Variants in MAPK12 observed in about 807,000 individuals in gnomAD.
The protein encoded by MAPK12 is mitogen-activated protein kinase 12, also known as MAP kinase 12.
In MAPK12, 49 loss-of-function variants were observed where a neutral mutation model predicts 49.1. The observed-to-expected ratio is 1.00, with a 90% CI of 0.79 to 1.27. MAPK12 has a LOEUF of 1.27. Among genes scored for constraint, MAPK12 ranks in the 50% most tolerant of loss-of-function variants. MAPK12 has a pLI of 0.00. For synonymous variants in MAPK12, 251 were observed against 209.7 expected, an observed-to-expected ratio of 1.20 and a Z score of -1.70; for missense variants, 554 against 502.4, an observed-to-expected ratio of 1.10 and a Z score of -0.98.
In MAPK12 at chr22:50,258,211, G is replaced by A. The variant is rs766575164; in HGVS notation, c.314+32C>T. 84 of 1,609,480 alleles carry A rather than the reference G, an allele frequency of 5.2e-5. 1 individual carries two copies. The highest frequency in any genetic ancestry group is 6.9e-5 in the Non-Finnish European group (81 of 1,176,866). On this transcript the variant is annotated intron_variant, in intron 3 of 11. Coordinates refer to ENST00000215659, the MANE Select transcript of MAPK12 (RefSeq NM_002969.6). ...TGCCCAGAGCTGCCCAACACCCCTC[G>A]TGCCCAGCGGCCAGCCCAGGTCGGC...
At chr22:50,260,900 T>C (rs1273237345) in intron 2 of MAPK12, 4 of 339,620 alleles carry the variant, frequency 1.2e-5, no homozygotes, top group Non-Finnish European at 2.2e-5. Context: ...CCAAGTCGTG[T>C]TCCCTGACCA....
rs2065113956 is a variant in MAPK12, at chr22:50,252,990, A to G, written c.*411T>C. The G allele has an allele frequency of 7.0e-6, 2 of 284,776 alleles. No individual in the cohort carries two copies. The highest frequency in any genetic ancestry group is 1.4e-5 in the Non-Finnish European group (2 of 145,154). 17.6% of individuals were successfully genotyped at this position (284,776 alleles called of 1,614,324 possible). A position where few individuals can be genotyped will look rare whatever the true frequency, so the allele number is the denominator to read the frequency against. On this transcript the variant is annotated 3_prime_UTR_variant, in exon 12 of 12. Transcript: ENST00000215659. ...CCAGGCTGGGGGTGCAGGAAGGTCC[A>G]CTGACGTCGCCCAGGAGAGGGGATG... is the stretch of plus-strand genomic sequence containing the variant.
At chr22:50,258,791 T>A (rs2065179193) in intron 2 of MAPK12, among the ~76,000 whole-genome samples, 1 of 152,206 alleles carries the variant, frequency 6.6e-6, no homozygotes, top group Admixed American at 6.5e-5. Context: ...ACAGGTCATG[T>A]GACAACTGCC....
chr22:50,257,154 C>G lies in MAPK12; in HGVS notation c.354G>C (p.Lys118Asn), dbSNP rs761670017. 1.3e-5 allele frequency: 21 copies of G among 1,612,742 alleles called. No homozygotes were observed. Among genetic ancestry groups the G allele is most frequent in the Non-Finnish European group, 1.7e-5 (20 of 1,179,940 alleles). The change falls in exon 4 of 12, where the codon AAG becomes AAC. Residue 118 changes from lysine to asparagine, a missense_variant. Lys to Asn is a moderately conservative substitution (Grantham distance 94, BLOSUM62 0). Coordinates refer to ENST00000215659, the MANE Select transcript of MAPK12 (RefSeq NM_002969.6). ...VMPFMGTDLG[K>N]LMKHEKLGED... ...CGCCTAGCTTCTCATGTTTCATGAG[C>G]TTGCCCAGGTCGGTGCCCATGAACG...
intron 11 of MAPK12, 125 bp from the exon 12 acceptor site, chr22:50,253,605 T>C: frequency 1.5e-6 from 1 of 645,236 alleles, no homozygotes; most frequent in Admixed American, 2.3e-5. Flanking sequence ...TAATGTGGTC[T>C]GAACCACTGA....
In MAPK12 at chr22:50,255,259, G is replaced by T. The variant is rs754315556; in HGVS notation, c.962C>A (p.Pro321His). The T allele has an allele frequency of 1.9e-6, 3 of 1,613,344 alleles. No individual in the cohort carries two copies. In the African/African-American group the frequency reaches 4.0e-5, roughly 22 times the overall value. ...GGAGTCATCATACTTCTGGACCTGG[G>T]GCTCATCTTCCGTGTCGTGCAGGGA... is the stretch of plus-strand genomic sequence containing the variant. Reference protein sequence around the residue: ...FESLHDTEDEPQVQKYDDSFD... With the variant: ...FESLHDTEDEHQVQKYDDSFD... The change falls in exon 11 of 12, where the codon CCC (proline) becomes CAC (histidine). Residue 321 changes from proline (P) to histidine (H), a missense_variant. By Grantham distance (77) the Pro-to-His change is moderately conservative. Transcript: ENST00000215659.
At chr22:50,256,246 C>T (rs774620048) in intron 6 of MAPK12, 47 bp from the exon 7 acceptor site, 8 of 1,450,718 alleles carry the variant, frequency 5.5e-6, no homozygotes, top group East Asian at 4.6e-5. Flanking sequence ...TCCCAAGGAG[C>T]GGACAGGCCA....
In MAPK12 at chr22:50,261,626, G is replaced by A; in HGVS notation, c.-117C>T. 1 of 972,438 alleles carries A rather than the reference G, an allele frequency of 1.0e-6. No homozygotes were observed. Among genetic ancestry groups the A allele is most frequent in the Non-Finnish European group, 1.2e-6 (1 of 818,388 alleles). The allele number at this position is 972,438 out of a possible 1,614,324, so 60.2% of individuals were successfully genotyped here. ...CTCCGCGCCGCTCGTCCGCTCGCCC[G>A]CCCGCCCGCCGGCCGCTGGGGCGCT... On this transcript the variant is annotated 5_prime_UTR_variant, in exon 1 of 12. Coordinates refer to ENST00000215659, the MANE Select transcript of MAPK12 (RefSeq NM_002969.6).
At chr22:50,261,097 G>A in intron 2 of MAPK12, 70 bp downstream of exon 2, 3 of 1,431,740 alleles carry the variant, frequency 2.1e-6, no homozygotes, top group South Asian at 2.7e-5. Context: ...GTTGCCGGGT[G>A]GGGGAACCCA....
chr22:50,261,146 G>A, intron 2 of MAPK12, 21 bp downstream of exon 2: 1 of 1,566,766 alleles, frequency 6.4e-7, no homozygotes. Context: ...CGCCTTCCCG[G>A]AGCGGGGCCG....
intron 2 of MAPK12, among the ~76,000 whole-genome samples, chr22:50,258,639 C>T (rs888892314): frequency 1.2e-4 from 18 of 152,390 alleles, no homozygotes; most frequent in African/African-American, 4.3e-4. Flanking sequence ...CCTCTTCACC[C>T]CAACCAAACA....
rs377211551 is a variant in MAPK12 at position 50,255,830 on chromosome 22, G to A, written c.671C>T (p.Thr224Met). ...CIMAEMITGK[T>M]LFKGSDHLDQ... Reference sequence around the variant, plus strand: ...GATACGGTCGCTGCCCTTGAACAGCGTCTTGCCTGTGATCATCTCCGCCAT... The same window carrying A: ...GATACGGTCGCTGCCCTTGAACAGCATCTTGCCTGTGATCATCTCCGCCAT... Residue 224 changes from threonine (T) to methionine (M), a missense_variant, in exon 8 of 12, where the codon ACG becomes ATG. Coordinates refer to ENST00000215659, the MANE Select transcript of MAPK12 (RefSeq NM_002969.6). 72 of 1,612,606 alleles carry A rather than the reference G, an allele frequency of 4.5e-5. No individual in the cohort carries two copies. Among genetic ancestry groups the A allele is most frequent in the South Asian group, 4.4e-4 (40 of 91,088 alleles).
At chr22:50,255,083 C>T (rs764071157) in intron 11 of MAPK12, 114 bp downstream of exon 11, 2 of 1,530,740 alleles carry the variant, frequency 1.3e-6, no homozygotes, top group Non-Finnish European at 1.8e-6. Context: ...GAGCCCCCAA[C>T]TCACGGGTCC....
rs202172571 is a variant in MAPK12, at chr22:50,255,311, C to T, written c.910G>A (p.Glu304Lys). ...TCGAAGTAGGGATGGGCCAGCGCCT[C>T]GCCTGCCGTCACCCGCTGCTCCGCG... is the stretch of plus-strand genomic sequence containing the variant. ...LDAEQRVTAGEALAHPYFESL... is the reference protein window; with the variant it reads ...LDAEQRVTAGKALAHPYFESL... The change falls in exon 11 of 12, where the codon GAG becomes AAG. Residue 304 changes from glutamate (E) to lysine (K), a missense_variant. By Grantham distance (56) the Glu-to-Lys change is moderately conservative (BLOSUM62 1). Transcript: ENST00000215659. 9 of 1,613,430 alleles carry T rather than the reference C, an allele frequency of 5.6e-6. No individual in the cohort carries two copies. The highest frequency in any genetic ancestry group is 3.3e-5 in the Admixed American group (2 of 60,026).
Position 50,261,421 on chromosome 22 carries a change from A to G in MAPK12, c.89T>C (p.Leu30Pro). 1 of 1,248,456 alleles carries G rather than the reference A, an allele frequency of 8.0e-7. No homozygotes were observed. The highest frequency in any genetic ancestry group is 1.7e-5 in the South Asian group (1 of 57,378). 77.3% of individuals were successfully genotyped at this position (1,248,456 alleles called of 1,614,324 possible). The change falls in exon 1 of 12, where the codon CTG becomes CCG. Residue 30 changes from leucine to proline, a missense_variant. Coordinates refer to ENST00000215659, the MANE Select transcript of MAPK12 (RefSeq NM_002969.6). ...GTAGGCGCCCGAGCCCACGGGCTGC[A>G]GGTCCCGGTACACGGCGCGCACCTC... ...AWEVRAVYRD[L>P]QPVGSGAYGA...
At chr22:50,258,171 A>C in intron 3 of MAPK12, 72 bp downstream of exon 3, 3 of 1,454,954 alleles carry the variant, frequency 2.1e-6, no homozygotes, top group Non-Finnish European at 2.9e-6. Flanking sequence ...TTGCCAACCT[A>C]GAACCTGAAG....
rs201667359 is a variant in MAPK12 at position 50,257,186 on chromosome 22, C to G, written c.322G>C (p.Val108Leu). 4.7e-5 allele frequency: 75 copies of G among 1,612,074 alleles called. No individual in the cohort carries two copies. Among genetic ancestry groups the G allele is most frequent in the Non-Finnish European group, 5.8e-5 (68 of 1,179,480 alleles). ...TLDDFTDFYL[V>L]MPFMGTDLGK... is the part of the protein sequence containing the mutation. Reference sequence around the variant, plus strand: ...AGGTCGGTGCCCATGAACGGCATCACCAGGTAACTGTGGGAGGGGCCGGAG... The same window carrying G: ...AGGTCGGTGCCCATGAACGGCATCAGCAGGTAACTGTGGGAGGGGCCGGAG... The change falls in exon 4 of 12, where the codon GTG becomes CTG. Residue 108 changes from valine to leucine, a missense_variant. By Grantham distance (32) the Val-to-Leu change is conservative (BLOSUM62 1). Transcript: ENST00000215659.
intron 11 of MAPK12, 22 bp from the exon 12 acceptor site, chr22:50,253,502 G>GGA: frequency 1.2e-4 from 21 of 171,668 alleles, no homozygotes; most frequent in South Asian, 2.7e-4. Flanking sequence ...GGGGGGGCGG[G>GGA]CACAACAGAG....
Position 50,256,848 on chromosome 22 carries a change from C to T in MAPK12, c.456+87G>A. 4.5e-6 allele frequency: 7 copies of T among 1,558,672 alleles called. No individual in the cohort carries two copies. In the South Asian group the frequency reaches 6.0e-5, roughly 13 times the overall value. On this transcript the variant is annotated intron_variant, in intron 5 of 11. Transcript: ENST00000215659. ...CATAGGGCGTGGCTCAGCACCCAGACCCCATCACATCCTCACAGGTGGGAC... is the reference window on the plus strand; with the variant it reads ...CATAGGGCGTGGCTCAGCACCCAGATCCCATCACATCCTCACAGGTGGGAC...
Sources: gnomAD v4.1 joint callset for allele counts (sites outside exome capture counted in the v4.1 genomes callset) on GRCh38, gnomAD v4.1.1 for gene constraint, MANE v1.5 for transcripts, NCBI Gene and HGNC (gene_info 2026-07-23, HGNC 2026-07-21) for gene names.